WWOX: variants seen among roughly 807,000 people sequenced by gnomAD.
WWOX encodes WW domain containing oxidoreductase, also known as WW domain-containing oxidoreductase.
Under a neutral mutation model 46.2 loss-of-function variants are expected in WWOX, and 69 were observed. That is an observed-to-expected ratio of 1.49 (90% CI 1.23 to 1.82). The LOEUF (loss-of-function observed/expected upper bound fraction) is 1.82. WWOX is among the 40% of genes most tolerant of loss of function. WWOX has a pLI of 0.00. For synonymous variants in WWOX, 359 were observed against 202.6 expected, an observed-to-expected ratio of 1.77 and a Z score of -6.56; for missense variants, 919 against 542.6, an observed-to-expected ratio of 1.69 and a Z score of -6.89.
chr16:78,626,012 A>G (rs945083233), intron 8 of WWOX, among the ~76,000 whole-genome samples: 2 of 151,656 alleles, frequency 1.3e-5, no homozygotes, highest in African/African-American at 4.8e-5. Flanking sequence ...CTTTTTACCA[A>G]CCTAATATTG....
In WWOX at chr16:78,634,338, C is replaced by T. The variant is rs182908175; in HGVS notation, c.1056+201586C>T. Among the ~76,000 whole-genome samples the T allele has an allele frequency of 3.0e-3, 458 of 152,238 alleles. 2 individuals are homozygous for T. The highest frequency in any genetic ancestry group is 0.011 in the African/African-American group (439 of 41,532). The stretch of plus-strand genomic sequence containing the variant: ...CTTCAGCTCTTATTTTTAAGTCATC[C>T]TTATCTCTTTCACTTATTCCCTCAT... On this transcript the variant is annotated intron_variant, in intron 8 of 8. Transcript: ENST00000566780.
chr16:78,330,952 T>C (rs1297092318), intron 5 of WWOX, among the ~76,000 whole-genome samples: 2 of 152,190 alleles, frequency 1.3e-5, no homozygotes, highest in African/African-American at 2.4e-5. Context: ...ATAATACAAA[T>C]AATCTAGTCT....
chr16:78,962,901 C>G (rs992589128), intron 8 of WWOX, among the ~76,000 whole-genome samples: 4 of 152,180 alleles, frequency 2.6e-5, no homozygotes, highest in Admixed American at 6.5e-5. Context: ...AGTACGCATT[C>G]TTTGCTGTCT....
Position 78,148,572 on chromosome 16 carries a change from T to G in WWOX, c.410-15611T>G, listed in dbSNP as rs111520732. ...ATGTTTTATTTTGTGCTGTTTTATT[T>G]TTCTTCCTAAGGTTCTCAGACAAGT... On this transcript the variant is annotated intron_variant, in intron 4 of 8. Coordinates refer to ENST00000566780, the MANE Select transcript of WWOX (RefSeq NM_016373.4). Among the ~76,000 whole-genome samples the G allele has an allele frequency of 1.2e-3, 189 of 152,244 alleles. 1 individual carries two copies. Among genetic ancestry groups the G allele is most frequent in the African/African-American group, 4.4e-3 (182 of 41,548 alleles).
At chr16:78,639,410 A>C (rs1193456716) in intron 8 of WWOX, among the ~76,000 whole-genome samples, 1 of 152,202 alleles carries the variant, frequency 6.6e-6, no homozygotes, top group African/African-American at 2.4e-5. Flanking sequence ...CTCACTTTGC[A>C]GATGAGGAAA....
chr16:78,939,137 G>A (rs745707123), intron 8 of WWOX, among the ~76,000 whole-genome samples: 3 of 152,184 alleles, frequency 2.0e-5, no homozygotes, highest in African/African-American at 4.8e-5. Flanking sequence ...ACTTGGGCTC[G>A]AAGTCACGTC....
chr16:78,240,572 G>T (rs1047683007), intron 5 of WWOX, among the ~76,000 whole-genome samples: 2 of 152,078 alleles, frequency 1.3e-5, no homozygotes, highest in African/African-American at 2.4e-5. Context: ...GTGCTGATAC[G>T]CTAGGGCAGC....
intron 5 of WWOX, among the ~76,000 whole-genome samples, chr16:78,326,532 G>A (rs1056249968): frequency 4.6e-5 from 6 of 131,314 alleles, no homozygotes; most frequent in Admixed American, 1.7e-4. Flanking sequence ...TTCTCTGGAT[G>A]TATTACTTAA....
At chr16:78,385,053 G>T (rs555822176) in intron 5 of WWOX, among the ~76,000 whole-genome samples, 2 of 152,022 alleles carry the variant, frequency 1.3e-5, no homozygotes, top group African/African-American at 2.4e-5. Context: ...AGAATCGCTT[G>T]AGCCCAGGAA....
intron 8 of WWOX, among the ~76,000 whole-genome samples, chr16:78,491,840 C>T (rs1324243433): frequency 6.6e-6 from 1 of 152,172 alleles, no homozygotes; most frequent in African/African-American, 2.4e-5. Context: ...GCACAGATGC[C>T]TCCAGTGGCC....
chr16:78,616,768 A>C (rs1378866696), intron 8 of WWOX, among the ~76,000 whole-genome samples: 2 of 151,968 alleles, frequency 1.3e-5, no homozygotes, highest in Non-Finnish European at 2.9e-5. Flanking sequence ...GACTCCATCA[A>C]CACTAATAAT....
chr16:78,765,450 G>C (rs1364216173), intron 8 of WWOX, among the ~76,000 whole-genome samples: 2 of 152,152 alleles, frequency 1.3e-5, no homozygotes, highest in South Asian at 4.1e-4. Context: ...AGGCTGAGGC[G>C]GGTGGACCAC....
chr16:78,601,376 C>G (rs865893276), intron 8 of WWOX, among the ~76,000 whole-genome samples: 28 of 149,966 alleles, frequency 1.9e-4, no homozygotes, highest in African/African-American at 6.9e-4. Flanking sequence ...ACGGGTAAGA[C>G]AGAGGAGGTT....
At chr16:78,435,250 T>A (rs1260415044) in intron 8 of WWOX, among the ~76,000 whole-genome samples, 1 of 152,176 alleles carries the variant, frequency 6.6e-6, no homozygotes, top group Non-Finnish European at 1.5e-5. Flanking sequence ...GTGAGCACCG[T>A]ACCTGTAGTG....
chr16:78,446,335 A>G (rs2083560433), intron 8 of WWOX, among the ~76,000 whole-genome samples: 1 of 152,168 alleles, frequency 6.6e-6, no homozygotes, highest in Non-Finnish European at 1.5e-5. Context: ...GAATTTTGCC[A>G]CTTACTTTCT....
chr16:78,971,987 T>C (rs1445080613), intron 8 of WWOX, among the ~76,000 whole-genome samples: 10 of 151,996 alleles, frequency 6.6e-5, no homozygotes, highest in Admixed American at 6.6e-4. Context: ...CAGGCCGAGG[T>C]AGGAGTTTGT....
intron 8 of WWOX, among the ~76,000 whole-genome samples, chr16:78,442,156 T>C (rs1389071334): frequency 6.6e-6 from 1 of 151,916 alleles, no homozygotes; most frequent in Non-Finnish European, 1.5e-5. Context: ...AAAAAAATTA[T>C]ATGTATTCGT....
intron 8 of WWOX, among the ~76,000 whole-genome samples, chr16:78,500,703 G>A (rs557026473): frequency 6.6e-6 from 1 of 152,122 alleles, no homozygotes; most frequent in African/African-American, 2.4e-5. Flanking sequence ...AGCTTTTCGG[G>A]AACACGTGTG....
intron 8 of WWOX, among the ~76,000 whole-genome samples, chr16:79,086,518 C>G (rs1049359478): frequency 2.6e-5 from 4 of 152,114 alleles, no homozygotes; most frequent in African/African-American, 9.7e-5. Flanking sequence ...CAGTACTATC[C>G]AAATTCTAAA....
Sources: allele counts gnomAD v4.1 joint callset (sites outside exome capture counted in the v4.1 genomes callset), GRCh38; gene constraint gnomAD v4.1.1; transcripts MANE v1.5; gene names NCBI Gene and HGNC (gene_info 2026-07-23, HGNC 2026-07-21).